The following EYS variants were observed in gnomAD, a reference collection of about 807,000 sequenced individuals.
EYS encodes EGF-like photoreceptor maintenance factor.
A neutral mutation model predicts 282.1 loss-of-function variants in EYS; 250 were observed. The ratio of observed to expected loss-of-function variants is 0.89; its 90% CI spans 0.80 to 0.98. The LOEUF (loss-of-function observed/expected upper bound fraction) is 0.98. EYS is among the 50% of genes least tolerant of loss of function. The pLI, the probability that EYS is intolerant of heterozygous loss-of-function variation, is 0.00. For missense variants in EYS, 4,016 were observed against 3,709.0 expected (o/e 1.08, Z -2.15); for synonymous variants, 1,355 against 1,282.9 (o/e 1.06, Z -1.20).
chr6:64,082,313 G>T (rs1361425610), intron 31 of EYS, among the ~76,000 whole-genome samples: 1 of 152,078 alleles, frequency 6.6e-6, no homozygotes, highest in Non-Finnish European at 1.5e-5. Context: ...TGTGAAATCA[G>T]TGTTTCACCA....
intron 26 of EYS, among the ~76,000 whole-genome samples, chr6:64,527,870 G>T (rs1726373571): frequency 6.6e-6 from 1 of 151,692 alleles, no homozygotes. Context: ...GGGAAAAAGA[G>T]AAATCACAGG....
At chr6:65,575,828 T>C (rs1405790516) in intron 2 of EYS, among the ~76,000 whole-genome samples, 1 of 151,966 alleles carries the variant, frequency 6.6e-6, no homozygotes, top group Admixed American at 6.6e-5. Flanking sequence ...CACCAACAAA[T>C]TGGATAACCT....
intron 39 of EYS, among the ~76,000 whole-genome samples, chr6:63,784,399 A>G (rs1770313608): frequency 6.6e-6 from 1 of 152,142 alleles, no homozygotes; most frequent in Non-Finnish European, 1.5e-5. Context: ...TGGGTTTTGG[A>G]ATGTCAGGGG....
intron 14 of EYS, among the ~76,000 whole-genome samples, chr6:64,975,597 C>T (rs983034736): frequency 6.6e-6 from 1 of 151,726 alleles, no homozygotes; most frequent in African/African-American, 2.4e-5. Flanking sequence ...TAACAAGTGA[C>T]CATTTGTTTC....
intron 2 of EYS, among the ~76,000 whole-genome samples, chr6:65,604,500 T>A (rs1765716382): frequency 6.6e-6 from 1 of 151,912 alleles, no homozygotes; most frequent in East Asian, 1.9e-4. Flanking sequence ...ACTATCCACA[T>A]GAGTACTAAA....
intron 30 of EYS, among the ~76,000 whole-genome samples, chr6:64,272,079 C>A (rs1246259896): frequency 2.0e-5 from 3 of 152,098 alleles, no homozygotes; most frequent in Non-Finnish European, 4.4e-5. Context: ...TCTAGGAAGG[C>A]AATTCACTCT....
chr6:64,882,375 T>C (rs77430184), intron 19 of EYS, among the ~76,000 whole-genome samples: 6,563 of 151,852 alleles, frequency 0.043, 197 homozygotes, highest in East Asian at 0.17. Context: ...ACAAATAACA[T>C]ATATGTTTGC....
At chr6:65,274,168 T>C (rs1472163207) in intron 12 of EYS, among the ~76,000 whole-genome samples, 2 of 152,168 alleles carry the variant, frequency 1.3e-5, no homozygotes, top group Non-Finnish European at 2.9e-5. Context: ...GTGAAGATTG[T>C]TATGGTAGAA....
intron 2 of EYS, among the ~76,000 whole-genome samples, chr6:65,569,026 T>G (rs1468489056): frequency 6.6e-6 from 1 of 152,180 alleles, no homozygotes; most frequent in East Asian, 1.9e-4. Context: ...CTGTCAGGCC[T>G]CTGAGCCCAA....
At chr6:64,630,841 A>G (rs1489697468) in intron 22 of EYS, among the ~76,000 whole-genome samples, 1 of 152,186 alleles carries the variant, frequency 6.6e-6, no homozygotes, top group African/African-American at 2.4e-5. Context: ...ACAATTTATA[A>G]CCCCATGTTT....
chr6:63,762,015 T>C (rs1307413475), intron 41 of EYS, among the ~76,000 whole-genome samples: 6 of 152,048 alleles, frequency 3.9e-5, no homozygotes. Context: ...TGCTTCTTAC[T>C]GTTACTACTT....
At position 63,778,198 on chromosome 6, in the gene EYS, A is replaced by T; in HGVS notation, c.7724-18T>A. The T allele has an allele frequency of 6.4e-7, 1 of 1,550,568 alleles. No homozygotes were observed. Among genetic ancestry groups the T allele is most frequent in the Non-Finnish European group, 8.7e-7 (1 of 1,145,868 alleles). ...AATACAGCCTTGAAGAAATGCAAAA[A>T]CACTTCGTGTTAACAAACAGAAGAA... is the stretch of plus-strand genomic sequence containing the variant. On this transcript the variant is annotated intron_variant, in intron 39 of 42. Coordinates refer to ENST00000503581, the MANE Select transcript of EYS (RefSeq NM_001142800.2).
At chr6:64,857,421 C>G (rs967489751) in intron 19 of EYS, among the ~76,000 whole-genome samples, 1 of 152,020 alleles carries the variant, frequency 6.6e-6, no homozygotes, top group Non-Finnish European at 1.5e-5. Flanking sequence ...TTATTGCAAA[C>G]GACAGAATTC....
At chr6:65,391,650 A>G (rs986773744) in intron 7 of EYS, among the ~76,000 whole-genome samples, 5 of 152,250 alleles carry the variant, frequency 3.3e-5, no homozygotes, top group South Asian at 4.1e-4. Context: ...ACTACAAACC[A>G]CCGCTCAAGG....
intron 26 of EYS, among the ~76,000 whole-genome samples, chr6:64,504,842 G>C (rs1777163168): frequency 6.6e-6 from 1 of 152,146 alleles, no homozygotes; most frequent in Non-Finnish European, 1.5e-5. Context: ...GGTTGAAAAG[G>C]ATCTCTCAGG....
chr6:65,689,490 G>A (rs1436400295), intron 1 of EYS, among the ~76,000 whole-genome samples: 4 of 149,598 alleles, frequency 2.7e-5, no homozygotes, highest in African/African-American at 7.3e-5. Flanking sequence ...TAACCTGCAC[G>A]TTGTGCACAT....
At chr6:65,171,327 CACATTA>C (rs1381519440) in intron 12 of EYS, among the ~76,000 whole-genome samples, 1 of 151,480 alleles carries the variant, frequency 6.6e-6, no homozygotes, top group African/African-American at 2.4e-5. Flanking sequence ...GAACAGGTAA[CACATTA>C]AATAATCCCC....
intron 29 of EYS, among the ~76,000 whole-genome samples, chr6:64,345,881 A>C (rs953889344): frequency 6.6e-6 from 1 of 152,180 alleles, no homozygotes; most frequent in South Asian, 2.1e-4. Flanking sequence ...CCTATCAAAA[A>C]GTGGGCGAAG....
intron 1 of EYS, among the ~76,000 whole-genome samples, chr6:65,680,817 C>T (rs1768787147): frequency 6.6e-6 from 1 of 151,946 alleles, no homozygotes; most frequent in Non-Finnish European, 1.5e-5. Context: ...TGGGCTAACT[C>T]AATTCAATTC....
Sources: allele counts gnomAD v4.1 joint callset (sites outside exome capture counted in the v4.1 genomes callset), GRCh38; gene constraint gnomAD v4.1.1; transcripts MANE v1.5; gene names NCBI Gene and HGNC (gene_info 2026-07-23, HGNC 2026-07-21).